Variants in NUP210 observed in about 807,000 individuals in gnomAD.
NUP210 encodes nucleoporin 210, also known as nuclear pore membrane glycoprotein 210.
NUP210 carries 151 observed loss-of-function variants against 196.0 expected under a neutral mutation model. The observed-to-expected ratio is 0.77, with a 90% CI of 0.67 to 0.88. NUP210 has a LOEUF of 0.88. Among genes scored for constraint, NUP210 ranks in the 40% least tolerant of loss-of-function variants. NUP210 has a pLI of 0.00. For synonymous variants in NUP210, 1,070 were observed against 1,052.7 expected (o/e 1.02, Z -0.32); for missense variants, 2,314 against 2,493.7 (o/e 0.93, Z 1.53).
In NUP210 at chr3:13,317,740, GA is replaced by G; in HGVS notation, c.5604del (p.Pro1869LeufsTer54). 3 of 1,612,172 alleles carry G rather than the reference GA, an allele frequency of 1.9e-6. No individual in the cohort carries two copies. The highest frequency in any genetic ancestry group is 2.5e-6 in the Non-Finnish European group (3 of 1,179,316). On this transcript the variant is annotated frameshift_variant, in exon 40 of 40. Coordinates refer to ENST00000254508, the MANE Select transcript of NUP210 (RefSeq NM_024923.4). LOFTEE classifies it high-confidence loss of function. The stretch of plus-strand genomic sequence containing the variant: ...GAGGGAGGGCTGGCTTTGCGAGCAG[GA>G]GGCAATGCATTGGGAGATGTGGGTG... ...ASSPTSPNAL[P>X]PARKASPPSG...
chr3:13,389,927 C>T (rs1699431663), intron 4 of NUP210, among the ~76,000 whole-genome samples: 1 of 152,196 alleles, frequency 6.6e-6, no homozygotes, highest in Admixed American at 6.5e-5. Flanking sequence ...ACAAGGGCCA[C>T]TCTACAGATA....
In NUP210 at chr3:13,379,379, G is replaced by A. The variant is rs1699028215; in HGVS notation, c.976+184C>T. Among the ~76,000 whole-genome samples the A allele has an allele frequency of 6.6e-6, 1 of 152,078 alleles. No individual in the cohort carries two copies. Among genetic ancestry groups the A allele is most frequent in the Admixed American group, 6.5e-5 (1 of 15,268 alleles). ...ACCTCCCACCGCTGGGAGCCTCTGG[G>A]GTGAGTCACCCACAGCCGTGAGCAA... On this transcript the variant is annotated intron_variant, in intron 7 of 39. Transcript: ENST00000254508. The surrounding 1 kb of genome is among the most constrained non-coding windows in gnomAD (Gnocchi z 4.2).
intron 1 of NUP210, among the ~76,000 whole-genome samples, chr3:13,403,059 C>A (rs1243787857): frequency 6.6e-6 from 1 of 152,186 alleles, no homozygotes; most frequent in Non-Finnish European, 1.5e-5. Context: ...CCTATTCCTC[C>A]ATTTTTAAAT....
At chr3:13,384,784 C>T (rs960621676) in intron 6 of NUP210, among the ~76,000 whole-genome samples, 7 of 152,208 alleles carry the variant, frequency 4.6e-5, no homozygotes, top group Non-Finnish European at 7.3e-5. Context: ...CACGCTTCCC[C>T]TTTGCATTCT....
intron 5 of NUP210, among the ~76,000 whole-genome samples, chr3:13,388,015 G>A (rs1195087091): frequency 6.6e-6 from 1 of 152,152 alleles, no homozygotes; most frequent in African/African-American, 2.4e-5. Flanking sequence ...AAACAGGTGA[G>A]TTACTGGAAA....
At chr3:13,354,479 A>G (rs1698099564) in intron 16 of NUP210, 2 of 197,628 alleles carry the variant, frequency 1.0e-5, no homozygotes, top group Admixed American at 5.3e-5. Flanking sequence ...CCCCACAGGA[A>G]CTATCTGGTC....
rs1262018256 is a variant in NUP210 at position 13,323,574 on chromosome 3, G to T, written c.4645-142C>A. 2 of 897,138 alleles carry T rather than the reference G, an allele frequency of 2.2e-6. No homozygotes were observed. The highest frequency in any genetic ancestry group is 3.3e-6 in the Non-Finnish European group (2 of 597,896). The allele number at this position is 897,138 out of a possible 1,614,324, so 55.6% of individuals were successfully genotyped here. On this transcript the variant is annotated intron_variant, in intron 33 of 39. Coordinates refer to ENST00000254508, the MANE Select transcript of NUP210 (RefSeq NM_024923.4). This position sits in a 1 kb window ranked among gnomAD's most constrained non-coding sequence, Gnocchi z 4.3. ...CAACACTGAGGCTCAAAGCCTAAAC[G>T]CCTTGCTAGAATGTGGCAGAGAGGG...
At chr3:13,320,026 G>A in intron 36 of NUP210, 47 bp from the exon 37 acceptor site, 4 of 1,559,212 alleles carry the variant, frequency 2.6e-6, no homozygotes, top group Non-Finnish European at 2.6e-6. Flanking sequence ...CAGAGTGGGG[G>A]GACCACTGAG....
chr3:13,384,045 C>T (rs1389220030), intron 6 of NUP210, among the ~76,000 whole-genome samples: 1 of 152,202 alleles, frequency 6.6e-6, no homozygotes, highest in Admixed American at 6.5e-5. Context: ...TCACTGCAAC[C>T]TCCACCTCCT....
intron 1 of NUP210, among the ~76,000 whole-genome samples, chr3:13,405,846 C>G (rs1699986847): frequency 6.6e-6 from 1 of 152,182 alleles, no homozygotes; most frequent in African/African-American, 2.4e-5. Flanking sequence ...GATCAGATAC[C>G]TCTCCCATTC....
At chr3:13,358,964 C>T (rs563897024) in intron 15 of NUP210, among the ~76,000 whole-genome samples, 143 of 152,344 alleles carry the variant, frequency 9.4e-4, no homozygotes, top group Middle Eastern at 6.8e-3. Flanking sequence ...AAGAGGGAAA[C>T]CTGTCTGCCT....
At chr3:13,356,478 A>T (rs1381925793) in intron 16 of NUP210, among the ~76,000 whole-genome samples, 5 of 152,152 alleles carry the variant, frequency 3.3e-5, no homozygotes, top group Non-Finnish European at 7.3e-5. Flanking sequence ...CCCTGTCTCT[A>T]CTAAAAATAC....
At chr3:13,375,447 C>G (rs1698867758) in intron 11 of NUP210, 57 bp downstream of exon 11, 1 of 1,536,454 alleles carries the variant, frequency 6.5e-7, no homozygotes, top group Non-Finnish European at 8.9e-7. Context: ...GGACAAAAAG[C>G]CACAATCCCA....
At position 13,332,312 on chromosome 3, in the gene NUP210, T is replaced by C; in HGVS notation, c.3916A>G (p.Ile1306Val). The part of the protein sequence containing the change: ...EQILMSPNSY[I>V]KLQTNRDGAA... ...ACGTACCTGTTTGTCTGCAGCTTTA[T>C]ATATGAGTTGGGCGACATTAATATT... Residue 1306 changes from isoleucine to valine, a missense_variant, in exon 29 of 40, where the codon ATA becomes GTA. By Grantham distance (29) the Ile-to-Val change is conservative. Coordinates refer to ENST00000254508, the MANE Select transcript of NUP210 (RefSeq NM_024923.4). 1 of 1,613,854 alleles carries C rather than the reference T, an allele frequency of 6.2e-7. No homozygotes were observed. The highest frequency in any genetic ancestry group is 8.5e-7 in the Non-Finnish European group (1 of 1,179,742).
rs111730420 is a variant in NUP210 at position 13,336,776 on chromosome 3, T to C, written c.3684+11A>G. ...GGTGGGAGGTGAGCTCTGGAGGGGG[T>C]GGTTACCTACCTCGTGGTGCCGCCC... On this transcript the variant is annotated intron_variant, in intron 27 of 39. Coordinates refer to ENST00000254508, the MANE Select transcript of NUP210 (RefSeq NM_024923.4). 2 of 1,610,812 alleles carry C rather than the reference T, an allele frequency of 1.2e-6. No individual in the cohort carries two copies. Among genetic ancestry groups the C allele is most frequent in the South Asian group, 2.2e-5 (2 of 90,906 alleles).
chr3:13,393,616 C>T (rs1243507472), intron 3 of NUP210, among the ~76,000 whole-genome samples: 1 of 152,240 alleles, frequency 6.6e-6, no homozygotes, highest in Non-Finnish European at 1.5e-5. Context: ...GCAACATGGC[C>T]AGACCCAGCT....
intron 3 of NUP210, 65 bp downstream of exon 3, chr3:13,397,292 G>C: frequency 6.4e-7 from 1 of 1,562,216 alleles, no homozygotes; most frequent in Non-Finnish European, 8.7e-7. Context: ...AGAGAGGCCA[G>C]AGTCATGGTG....
intron 36 of NUP210, 26 bp downstream of exon 36, chr3:13,321,559 G>T (rs1157174771): frequency 6.8e-6 from 11 of 1,607,674 alleles, no homozygotes; most frequent in Non-Finnish European, 9.4e-6. Context: ...CTCCGGCCTG[G>T]CCTGAGGCAT....
At chr3:13,384,881 C>T (rs2124928326) in intron 6 of NUP210, among the ~76,000 whole-genome samples, 1 of 152,328 alleles carries the variant, frequency 6.6e-6, no homozygotes, top group South Asian at 2.1e-4. Context: ...CTGTCCCTGT[C>T]CTAGAATCTG....
Sources: gnomAD v4.1 joint callset for allele counts (sites outside exome capture counted in the v4.1 genomes callset) on GRCh38, gnomAD v4.1.1 for gene constraint, Gnocchi (gnomAD v3.1) non-coding constraint, MANE v1.5 for transcripts, NCBI Gene and HGNC (gene_info 2026-07-23, HGNC 2026-07-21) for gene names.